Variants in IL1RL1 observed in about 807,000 individuals in gnomAD.
IL1RL1 encodes the protein interleukin-1 receptor-like 1.
A neutral mutation model predicts 50.9 loss-of-function variants in IL1RL1; 32 were observed. The ratio of observed to expected loss-of-function variants is 0.63; its 90% confidence interval spans 0.47 to 0.84. The LOEUF (loss-of-function observed/expected upper bound fraction) is 0.84. Ranked by LOEUF, IL1RL1 falls within the 40% of genes least tolerant of loss-of-function variation. The pLI, the probability that IL1RL1 is intolerant of heterozygous loss-of-function variation, is 0.00. For missense variants in IL1RL1, 773 were observed against 662.9 expected (o/e 1.17, Z -1.82); for synonymous variants, 275 against 236.0 (o/e 1.17, Z -1.51).
chr2:102,330,255 C>G (rs1357458970), intron 1 of IL1RL1, among the ~76,000 whole-genome samples: 1 of 151,828 alleles, frequency 6.6e-6, no homozygotes, highest in Non-Finnish European at 1.5e-5. Flanking sequence ...AAACCGAACA[C>G]CACATGTTCT....
At chr2:102,338,697 C>G in intron 2 of IL1RL1, 140 bp from the exon 3 acceptor site, 1 of 660,982 alleles carries the variant, frequency 1.5e-6, no homozygotes, top group South Asian at 2.0e-5. Context: ...GAGATCTTAA[C>G]AGTTACTTAT....
intron 1 of IL1RL1, among the ~76,000 whole-genome samples, chr2:102,325,070 C>T (rs1676955166): frequency 1.3e-5 from 2 of 152,184 alleles, no homozygotes; most frequent in Admixed American, 1.3e-4. Context: ...AGGTCCCTGA[C>T]CCCCGAGTAG....
chr2:102,321,365 A>T (rs1191081837), intron 1 of IL1RL1, among the ~76,000 whole-genome samples: 1 of 152,178 alleles, frequency 6.6e-6, no homozygotes, highest in Non-Finnish European at 1.5e-5. Flanking sequence ...CATCTGAAAC[A>T]GTGATTGGCA....
chr2:102,323,489 TG>T lies in IL1RL1; in HGVS notation c.-150+11869del, dbSNP rs146737909. On this transcript the variant is annotated intron_variant, in intron 1 of 10. Coordinates refer to ENST00000233954, the MANE Select transcript of IL1RL1 (RefSeq NM_016232.5). ...TTTTAATGGCTGCAAAGTTCAAGAC[TG>T]GGCAACTGCATCTGGTGAGGGCCTC... 3.1e-3 allele frequency among the ~76,000 whole-genome samples: 465 copies of T among 152,158 alleles called. 2 individuals carry two copies. The East Asian group carries it at 0.032, about 10-fold the overall frequency.
intron 8 of IL1RL1, 44 bp from the exon 9 acceptor site, chr2:102,347,890 GTTTATTATATC>G: frequency 9.4e-7 from 1 of 1,068,006 alleles, no homozygotes. Context: ...CCATGTATCA[GTTTATTATATC>G]TTGTTTCAGT....
intron 1 of IL1RL1, among the ~76,000 whole-genome samples, chr2:102,336,246 A>C (rs1677322548): frequency 6.6e-6 from 1 of 152,108 alleles, no homozygotes; most frequent in Non-Finnish European, 1.5e-5. Flanking sequence ...TTCACCCCTT[A>C]ATGTGAAGTG....
intron 8 of IL1RL1, chr2:102,346,075 T>G: frequency 1.0e-6 from 1 of 967,366 alleles, no homozygotes; most frequent in Non-Finnish European, 1.2e-6. Flanking sequence ...ACTGTATAAA[T>G]TAAACACAAA....
chr2:102,323,335 C>T (rs1676895144), intron 1 of IL1RL1, among the ~76,000 whole-genome samples: 1 of 142,242 alleles, frequency 7.0e-6, no homozygotes, highest in Non-Finnish European at 1.5e-5. Flanking sequence ...CACTAAAATA[C>T]ACACATTTTT....
intron 9 of IL1RL1, 148 bp downstream of exon 9, chr2:102,348,239 A>G: frequency 1.6e-6 from 1 of 639,904 alleles, no homozygotes; most frequent in Non-Finnish European, 2.7e-6. Context: ...GTGTTTTTGG[A>G]TTTTCTTAAA....
chr2:102,346,093 T>A (rs1677773476), intron 8 of IL1RL1: 1 of 952,816 alleles, frequency 1.0e-6, no homozygotes, highest in African/African-American at 1.8e-5. Context: ...AAATTATTAC[T>A]ACTGCTATTG....
At chr2:102,323,821 A>G (rs1009164621) in intron 1 of IL1RL1, among the ~76,000 whole-genome samples, 5 of 152,160 alleles carry the variant, frequency 3.3e-5, no homozygotes, top group African/African-American at 9.7e-5. Context: ...TGAAACCATC[A>G]TCTCAATTGA....
At chr2:102,338,080 A>T (rs992950594) in intron 1 of IL1RL1, 36 bp from the exon 2 acceptor site, 1 of 410,964 alleles carries the variant, frequency 2.4e-6, no homozygotes, top group Non-Finnish European at 4.4e-6. Context: ...GGCTGATAAA[A>T]ATTCTGTTTA....
At chr2:102,334,542 T>A (rs1186807728) in intron 1 of IL1RL1, among the ~76,000 whole-genome samples, 3 of 150,820 alleles carry the variant, frequency 2.0e-5, no homozygotes, top group African/African-American at 7.3e-5. Flanking sequence ...TAAAAAAAAA[T>A]AAAAAAACAG....
chr2:102,348,223 T>A, intron 9 of IL1RL1, 132 bp downstream of exon 9: 1 of 696,438 alleles, frequency 1.4e-6, no homozygotes, highest in Non-Finnish European at 2.4e-6. Flanking sequence ...CTGTTATCAG[T>A]GAGTTGTGTT....
At chr2:102,321,653 C>A (rs973781406) in intron 1 of IL1RL1, among the ~76,000 whole-genome samples, 13 of 152,122 alleles carry the variant, frequency 8.5e-5, no homozygotes, top group African/African-American at 3.1e-4. Flanking sequence ...CTGGAGGAAG[C>A]ACAGTGGTGG....
Position 102,351,532 on chromosome 2 carries a change from C to T in IL1RL1, c.1286-4C>T, listed in dbSNP as rs768583091. ...GAAATCTGATCTATTTCTTGTATGA[C>T]TAGATGTAGTCACTGCAGTGGAAAC... is the stretch of plus-strand genomic sequence containing the variant. On this transcript the variant is annotated splice_polypyrimidine_tract_variant and splice_region_variant and intron_variant, in intron 10 of 10. Transcript: ENST00000233954. 1.9e-6 allele frequency: 3 copies of T among 1,610,816 alleles called. No homozygotes were observed. The highest frequency in any genetic ancestry group is 2.2e-5 in the East Asian group (1 of 44,832).
downstream of IL1RL1, chr2:102,352,072 G>A: frequency 1.3e-6 from 1 of 773,602 alleles, no homozygotes; most frequent in Non-Finnish European, 2.0e-6. Flanking sequence ...CCATTTCCCT[G>A]CTTCTGGGTG....
chr2:102,319,686 G>T (rs562950391), intron 1 of IL1RL1, among the ~76,000 whole-genome samples: 2 of 151,882 alleles, frequency 1.3e-5, no homozygotes, highest in East Asian at 1.9e-4. Context: ...TGTATCTCTC[G>T]CCCTCTTTTC....
At chr2:102,345,053 A>G (rs1677731127) in intron 8 of IL1RL1, 1 of 938,844 alleles carries the variant, frequency 1.1e-6, no homozygotes, top group African/African-American at 1.8e-5. Context: ...TAGCCAAAGC[A>G]GGGTGGAGAG....
Sources: gnomAD v4.1 joint callset for allele counts (sites outside exome capture counted in the v4.1 genomes callset) on GRCh38, gnomAD v4.1.1 for gene constraint, MANE v1.5 for transcripts, NCBI Gene and HGNC (gene_info 2026-07-23, HGNC 2026-07-21) for gene names.